PTPRD: variants seen among roughly 807,000 people sequenced by gnomAD.
PTPRD encodes the protein receptor-type tyrosine-protein phosphatase delta.
PTPRD carries 34 observed loss-of-function variants against 214.5 expected under a neutral mutation model. The ratio of observed to expected loss-of-function variants is 0.16; its 90% CI spans 0.12 to 0.21. PTPRD has a LOEUF of 0.21. PTPRD is among the 10% of genes least tolerant of loss of function. The pLI is 1.00. For synonymous variants in PTPRD, 1,128 were observed against 845.7 expected (o/e 1.33, Z -5.79); for missense variants, 2,545 against 2,398.7 (o/e 1.06, Z -1.27).
intron 10 of PTPRD, among the ~76,000 whole-genome samples, chr9:9,098,377 C>T (rs1250481434): frequency 6.6e-6 from 1 of 152,102 alleles, no homozygotes; most frequent in Non-Finnish European, 1.5e-5. Context: ...CTGCCTCAGC[C>T]TTCCAAGTAG....
At chr9:9,074,933 T>C (rs538977416) in intron 10 of PTPRD, among the ~76,000 whole-genome samples, 3 of 152,050 alleles carry the variant, frequency 2.0e-5, no homozygotes, top group East Asian at 1.9e-4. Flanking sequence ...TATATTATCC[T>C]ATCATGTACC....
At chr9:9,998,129 A>AATATATATATAT (rs1555449231) in intron 4 of PTPRD, among the ~76,000 whole-genome samples, 4,479 of 91,172 alleles carry the variant, frequency 0.049, 205 homozygotes, top group Non-Finnish European at 0.058. Flanking sequence ...AAAAAAAAAA[A>AATATATATATAT]ATATATATAT....
intron 5 of PTPRD, among the ~76,000 whole-genome samples, chr9:9,888,414 T>A (rs956634593): frequency 6.6e-6 from 1 of 152,102 alleles, no homozygotes; most frequent in East Asian, 1.9e-4. Flanking sequence ...CCCTTACAGA[T>A]CTCATGTGAA....
chr9:9,227,183 G>A (rs1172551846), intron 9 of PTPRD, among the ~76,000 whole-genome samples: 1 of 151,984 alleles, frequency 6.6e-6, no homozygotes, highest in Non-Finnish European at 1.5e-5. Flanking sequence ...GTACAATCAC[G>A]GTCATATGTT....
At chr9:9,720,274 A>T (rs1417308955) in intron 7 of PTPRD, among the ~76,000 whole-genome samples, 9 of 152,210 alleles carry the variant, frequency 5.9e-5, no homozygotes, top group Non-Finnish European at 1.3e-4. Flanking sequence ...CACTTTATAG[A>T]TGAGAAATCT....
intron 4 of PTPRD, among the ~76,000 whole-genome samples, chr9:9,965,208 T>G (rs374289965): frequency 6.6e-6 from 1 of 152,132 alleles, no homozygotes; most frequent in African/African-American, 2.4e-5. Context: ...CATAGAATCA[T>G]GAAAAATAAA....
intron 2 of PTPRD, among the ~76,000 whole-genome samples, chr9:10,503,750 G>C (rs1220482385): frequency 2.6e-5 from 4 of 151,940 alleles, no homozygotes; most frequent in Admixed American, 2.0e-4. Context: ...AATTATACGT[G>C]CTAGGAAGGA....
intron 14 of PTPRD, among the ~76,000 whole-genome samples, chr9:8,530,374 A>G (rs2075374817): frequency 6.6e-6 from 1 of 152,074 alleles, no homozygotes; most frequent in African/African-American, 2.4e-5. Context: ...CAGACAAATC[A>G]TGTTTGCTGG....
chr9:9,577,027 C>T (rs558615661), intron 7 of PTPRD, among the ~76,000 whole-genome samples: 76 of 152,076 alleles, frequency 5.0e-4, no homozygotes, highest in Admixed American at 1.6e-3. Context: ...GTATTACTGA[C>T]GTTGTTACAC....
chr9:8,780,708 T>C (rs1021809177), intron 11 of PTPRD, among the ~76,000 whole-genome samples: 3 of 152,186 alleles, frequency 2.0e-5, no homozygotes, highest in Admixed American at 6.5e-5. Context: ...TGAATTATCA[T>C]GCATGACCTT....
chr9:10,605,744 T>C (rs2079132177), intron 2 of PTPRD, among the ~76,000 whole-genome samples: 1 of 151,818 alleles, frequency 6.6e-6, no homozygotes, highest in African/African-American at 2.4e-5. Context: ...TATGATAACG[T>C]GGATACATTT....
At chr9:10,048,620 TG>T (rs1010611567) in intron 3 of PTPRD, among the ~76,000 whole-genome samples, 17 of 152,110 alleles carry the variant, frequency 1.1e-4, no homozygotes, top group African/African-American at 3.6e-4. Context: ...TAGAAACTGC[TG>T]GGGGAAAAAA....
chr9:9,899,442 T>TA (rs981659299), intron 5 of PTPRD, among the ~76,000 whole-genome samples: 18 of 152,056 alleles, frequency 1.2e-4, no homozygotes, highest in African/African-American at 4.3e-4. Context: ...GCTAAGTATA[T>TA]AAAAAAAGTT....
intron 9 of PTPRD, among the ~76,000 whole-genome samples, chr9:9,217,321 G>A (rs1207474309): frequency 6.6e-6 from 1 of 152,104 alleles, no homozygotes; most frequent in Admixed American, 6.6e-5. Flanking sequence ...AGCCTGCGTG[G>A]CACCTCATAA....
intron 11 of PTPRD, among the ~76,000 whole-genome samples, chr9:8,821,305 C>G (rs1272426553): frequency 6.6e-6 from 1 of 152,152 alleles, no homozygotes; most frequent in Non-Finnish European, 1.5e-5. Flanking sequence ...CTCTCTCTCT[C>G]ACATGGTAAG....
chr9:8,613,564 G>A lies in PTPRD; in HGVS notation c.352+19753C>T, dbSNP rs187772815. 5.9e-5 allele frequency among the ~76,000 whole-genome samples: 9 copies of A among 152,110 alleles called. No homozygotes were observed. In the East Asian group the frequency reaches 1.7e-3, roughly 29 times the overall value. On this transcript the variant is annotated intron_variant, in intron 14 of 45. Transcript: ENST00000381196. Reference sequence around the variant, plus strand: ...CATCATGCTGTGTTTTTTACCCAAAGTTTGAATCTCCTGCCTCTCTAGCAC... The same window carrying A: ...CATCATGCTGTGTTTTTTACCCAAAATTTGAATCTCCTGCCTCTCTAGCAC...
intron 2 of PTPRD, among the ~76,000 whole-genome samples, chr9:10,572,079 GA>G (rs2067633874): frequency 6.6e-6 from 1 of 152,038 alleles, no homozygotes; most frequent in Admixed American, 6.6e-5. Context: ...ACAGTGACAG[GA>G]AACATTGAAC....
intron 2 of PTPRD, among the ~76,000 whole-genome samples, chr9:10,398,773 C>G (rs769750576): frequency 6.6e-6 from 1 of 151,856 alleles, no homozygotes; most frequent in Non-Finnish European, 1.5e-5. Flanking sequence ...ATATGGAAGA[C>G]CTTTTCAAAG....
At chr9:9,711,137 T>G (rs2154424239) in intron 7 of PTPRD, among the ~76,000 whole-genome samples, 1 of 152,352 alleles carries the variant, frequency 6.6e-6, no homozygotes, top group East Asian at 1.9e-4. Context: ...TTATTGTTTT[T>G]ACTAATCATT....
Sources: gnomAD v4.1 joint callset for allele counts (sites outside exome capture counted in the v4.1 genomes callset) on GRCh38, gnomAD v4.1.1 for gene constraint, MANE v1.5 for transcripts, NCBI Gene and HGNC (gene_info 2026-07-23, HGNC 2026-07-21) for gene names.